Variants in MUC12 observed in about 807,000 individuals in gnomAD.
The protein encoded by MUC12 is mucin-12.
In MUC12, 172 loss-of-function variants were observed where a neutral mutation model predicts 230.8. The ratio of observed to expected loss-of-function variants is 0.75; its 90% CI spans 0.66 to 0.85. The LOEUF is 0.85. MUC12 is among the 40% of genes least tolerant of loss of function. MUC12 has a pLI of 0.00. For synonymous variants in MUC12, 1,259 were observed against 2,401.9 expected (o/e 0.52, Z 13.91); for missense variants, 3,506 against 5,920.6 (o/e 0.59, Z 13.38).
Position 100,991,140 on chromosome 7 carries a change from T to C in MUC12, c.577T>C (p.Ser193Pro). ...CACCATGCCAGGCGTCAGTCAGGAATCTACAGCTTCCCACAGCATCCCCGG... is the reference window on the plus strand; with the variant it reads ...CACCATGCCAGGCGTCAGTCAGGAACCTACAGCTTCCCACAGCATCCCCGG... ...STTMPGVSQE[S>P]TASHSIPGST... The change falls in exon 2 of 12, where the codon TCT becomes CCT. Residue 193 changes from serine (S) to proline (P), a missense_variant. Physicochemically the swap from Ser to Pro is moderately conservative, Grantham distance 74. Coordinates refer to ENST00000536621, the MANE Select transcript of MUC12 (RefSeq NM_001164462.2). The C allele has an allele frequency of 6.5e-7, 1 of 1,537,796 alleles. No individual in the cohort carries two copies. Among genetic ancestry groups the C allele is most frequent in the Non-Finnish European group, 8.7e-7 (1 of 1,147,046 alleles).
At chr7:101,016,486 AGTAGAGACT>A (rs1793922836) in intron 10 of MUC12, among the ~76,000 whole-genome samples, 1 of 151,996 alleles carries the variant, frequency 6.6e-6, no homozygotes, top group Admixed American at 6.5e-5. Flanking sequence ...TTGTATTTTT[AGTAGAGACT>A]GTAGAGACAG....
intron 1 of MUC12, among the ~76,000 whole-genome samples, chr7:100,975,586 T>C (rs1315752638): frequency 6.6e-6 from 1 of 152,212 alleles, no homozygotes; most frequent in Non-Finnish European, 1.5e-5. Context: ...GAATAAACAG[T>C]TTATAGTAGA....
rs199836274 is a variant in MUC12 at position 101,004,816 on chromosome 7, A to C, written c.14253A>C (p.Thr4751=). The change falls in exon 2 of 12, where the codon ACA becomes ACC. Residue 4751 remains threonine, a synonymous_variant. Transcript: ENST00000536621. ...GTAGCTCCAGATCACCAGACCAAAC[A>C]CTCTCACCTGCCAGCATGACAAGCT... ...LYSSSRSPDQ[T]LSPASMTSSS... The C allele has an allele frequency of 7.5e-4, 1,148 of 1,537,108 alleles. No individual in the cohort carries two copies. Among genetic ancestry groups the C allele is most frequent in the Non-Finnish European group, 9.3e-4 (1,067 of 1,146,900 alleles).
At chr7:100,973,327 G>C (rs534772870) in intron 1 of MUC12, among the ~76,000 whole-genome samples, 1 of 147,410 alleles carries the variant, frequency 6.8e-6, no homozygotes, top group Non-Finnish European at 1.5e-5. Context: ...CTTTTTGCTG[G>C]ATGACAAAGG....
Position 101,006,673 on chromosome 7 carries a change from T to G in MUC12, c.15058+101T>G, listed in dbSNP as rs1056134246. The G allele has an allele frequency of 5.0e-6, 4 of 800,952 alleles. No homozygotes were observed. The African/African-American group carries it at 6.8e-5, about 14-fold the overall frequency. 49.6% of individuals were successfully genotyped at this position (800,952 alleles called of 1,614,324 possible). The stretch of plus-strand genomic sequence containing the variant: ...GATCAGCCACTGCCTCACTTGCAGG[T>G]GGAGGAGGTGTGACTCTTCCCAGCA... On this transcript the variant is annotated intron_variant, in intron 3 of 11. Coordinates refer to ENST00000536621, the MANE Select transcript of MUC12 (RefSeq NM_001164462.2).
In MUC12 at chr7:101,004,803, C is replaced by A; in HGVS notation, c.14240C>A (p.Ser4747Ter). The change falls in exon 2 of 12, where the codon TCA becomes TAA. Residue 4747 changes from serine (S) to a stop codon, truncating the protein, a stop_gained. Transcript: ENST00000536621. LOFTEE classifies it high-confidence loss of function. Reference protein sequence around the residue: ...KSTILYSSSRSPDQTLSPASM... With the variant: ...KSTILYSSSR Reference sequence around the variant, plus strand: ...ACCATCCTTTACAGTAGCTCCAGATCACCAGACCAAACACTCTCACCTGCC... The same window carrying A: ...ACCATCCTTTACAGTAGCTCCAGATAACCAGACCAAACACTCTCACCTGCC... 1.3e-6 allele frequency: 2 copies of A among 1,537,708 alleles called. No homozygotes were observed. The highest frequency in any genetic ancestry group is 1.7e-6 in the Non-Finnish European group (2 of 1,146,984).
chr7:101,005,736 T>TG (rs1793737429), intron 2 of MUC12, among the ~76,000 whole-genome samples: 1 of 152,188 alleles, frequency 6.6e-6, no homozygotes, highest in Admixed American at 6.5e-5. Flanking sequence ...CCTTCCTCTA[T>TG]GACTCCAGGG....
Position 101,004,983 on chromosome 7 carries a change from C to A in MUC12, c.14420C>A (p.Thr4807Lys). ...FHSKPGSTET[T>K]LSPGSITTSS... The stretch of plus-strand genomic sequence containing the variant: ...AGTAAGCCAGGCTCAACTGAGACAA[C>A]ACTGTCCCCTGGCAGCATCACAACT... The change falls in exon 2 of 12, where the codon ACA becomes AAA. Residue 4807 changes from threonine to lysine, a missense_variant. Thr to Lys is a moderately conservative substitution (Grantham distance 78). Transcript: ENST00000536621. 1 of 1,537,760 alleles carries A rather than the reference C, an allele frequency of 6.5e-7. No homozygotes were observed. Among genetic ancestry groups the A allele is most frequent in the Non-Finnish European group, 8.7e-7 (1 of 1,147,038 alleles).
chr7:100,995,893 G>C lies in MUC12; in HGVS notation c.5330G>C (p.Gly1777Ala). The C allele has an allele frequency of 7.1e-7, 1 of 1,407,904 alleles. No homozygotes were observed. Among genetic ancestry groups the C allele is most frequent in the Admixed American group, 2.1e-5 (1 of 46,988 alleles). 87.2% of individuals were successfully genotyped at this position (1,407,904 alleles called of 1,614,324 possible). ...TCTACGGCGTACCACAGCAGCCCGG[G>C]CTCAACTCAAACAATGCACTTCCCT... ...EESTAYHSSPGSTQTMHFPES... is the reference protein window; with the variant it reads ...EESTAYHSSPASTQTMHFPES... The change falls in exon 2 of 12, where the codon GGC becomes GCC. Residue 1777 changes from glycine to alanine, a missense_variant. Transcript: ENST00000536621.
In MUC12 at chr7:100,975,623, A is replaced by T. The variant is rs561924573; in HGVS notation, c.67+5934A>T. Among the ~76,000 whole-genome samples, 8 of 152,380 alleles carry T rather than the reference A, an allele frequency of 5.3e-5. No homozygotes were observed. In the South Asian group the frequency reaches 1.7e-3, roughly 32 times the overall value. ...TTAATGAGGTGGGATTGGGGCAGAAAGGCCACAGCCCAATCTGCTGCTGGA... is the reference window on the plus strand; with the variant it reads ...TTAATGAGGTGGGATTGGGGCAGAATGGCCACAGCCCAATCTGCTGCTGGA... On this transcript the variant is annotated intron_variant, in intron 1 of 11. Coordinates refer to ENST00000536621, the MANE Select transcript of MUC12 (RefSeq NM_001164462.2).
intron 1 of MUC12, among the ~76,000 whole-genome samples, chr7:100,986,661 AC>A (rs1340340475): frequency 6.6e-6 from 1 of 152,116 alleles, no homozygotes; most frequent in East Asian, 1.9e-4. Flanking sequence ...ACTCGGTAAA[AC>A]TGGGGCCATC....
chr7:101,016,039 C>T (rs1429445298), intron 10 of MUC12, among the ~76,000 whole-genome samples: 1 of 152,136 alleles, frequency 6.6e-6, no homozygotes, highest in Non-Finnish European at 1.5e-5. Flanking sequence ...GATTAGCCCC[C>T]AGGTGAGACT....
chr7:100,992,290 A>G lies in MUC12; in HGVS notation c.1727A>G (p.Glu576Gly). ...GSTTASSLGPEYTTFHSRPGS... is the reference protein window; with the variant it reads ...GSTTASSLGPGYTTFHSRPGS... Reference sequence around the variant, plus strand: ...ACCACAGCATCATCCCTTGGTCCAGAATATACTACCTTCCACAGCCGCCCA... The same window carrying G: ...ACCACAGCATCATCCCTTGGTCCAGGATATACTACCTTCCACAGCCGCCCA... The change falls in exon 2 of 12, where the codon GAA (glutamate) becomes GGA (glycine). Residue 576 changes from glutamate to glycine, a missense_variant. By Grantham distance (98) the Glu-to-Gly change is moderately conservative (BLOSUM62 -2). Coordinates refer to ENST00000536621, the MANE Select transcript of MUC12 (RefSeq NM_001164462.2). 1 of 1,536,898 alleles carries G rather than the reference A, an allele frequency of 6.5e-7. No homozygotes were observed. Among genetic ancestry groups the G allele is most frequent in the Non-Finnish European group, 8.7e-7 (1 of 1,146,238 alleles).
At position 101,008,679 on chromosome 7, in the gene MUC12, T is replaced by C. The variant is rs1038776264; in HGVS notation, c.15104T>C (p.Val5035Ala). Residue 5035 changes from valine (V) to alanine (A), a missense_variant, in exon 4 of 12, where the codon GTG (valine) becomes GCG (alanine). Transcript: ENST00000536621. ...LNATLGMTVK[V>A]TYRNFTEKMN... ...GCCACTTTAGGTATGACAGTGAAAG[T>C]GACTTACAGAAATTTCACAGAAAAG... 2 of 1,537,132 alleles carry C rather than the reference T, an allele frequency of 1.3e-6. No homozygotes were observed. The highest frequency in any genetic ancestry group is 2.7e-5 in the African/African-American group (2 of 72,998).
chr7:101,016,627 T>G (rs994945718), intron 10 of MUC12, among the ~76,000 whole-genome samples: 1 of 150,164 alleles, frequency 6.7e-6, no homozygotes, highest in African/African-American at 2.4e-5. Context: ...ATTTTGAATT[T>G]TTTTTACTCA....
In MUC12 at chr7:100,995,766, T is replaced by C; in HGVS notation, c.5203T>C (p.Leu1735=). Residue 1735 remains leucine (L), a synonymous_variant, in exon 2 of 12, where the codon TTG becomes CTG. Transcript: ENST00000536621. The stretch of plus-strand genomic sequence containing the variant: ...CCACTTTTCTGCCAGCTCCACAACC[T>C]TGGGCCGTAGTGAGGAATCGACAAC... ...TTHFSASSTT[L]GRSEESTTVH... is the part of the protein sequence containing the mutation. The C allele has an allele frequency of 6.5e-7, 1 of 1,531,334 alleles. No individual in the cohort carries two copies. Among genetic ancestry groups the C allele is most frequent in the South Asian group, 1.2e-5 (1 of 83,704 alleles). The allele number at this position is 1,531,334 out of a possible 1,614,324, so 94.9% of individuals were successfully genotyped here.
chr7:100,984,858 C>T (rs973832042), intron 1 of MUC12, among the ~76,000 whole-genome samples: 2 of 152,004 alleles, frequency 1.3e-5, no homozygotes, highest in Non-Finnish European at 2.9e-5. Flanking sequence ...TCTTGCTGGC[C>T]GTGGGATCTC....
chr7:101,012,204 G>A, intron 5 of MUC12, 92 bp from the exon 6 acceptor site: 1 of 1,382,352 alleles, frequency 7.2e-7, no homozygotes, highest in South Asian at 1.4e-5. Flanking sequence ...TCACATGGCA[G>A]CTTCATCTCC....
intron 5 of MUC12, among the ~76,000 whole-genome samples, chr7:101,009,680 A>C (rs1297637048): frequency 3.9e-5 from 6 of 152,188 alleles, no homozygotes; most frequent in African/African-American, 1.4e-4. Context: ...AAAAAGAAAA[A>C]AAAATGTAAC....
Sources: gnomAD v4.1 joint callset for allele counts (sites outside exome capture counted in the v4.1 genomes callset) on GRCh38, gnomAD v4.1.1 for gene constraint, MANE v1.5 for transcripts, NCBI Gene and HGNC (gene_info 2026-07-23, HGNC 2026-07-21) for gene names.